Variants in MYOM1 observed in about 807,000 individuals in gnomAD.
The protein encoded by MYOM1 is myomesin-1.
MYOM1 carries 164 observed loss-of-function variants against 205.3 expected under a neutral mutation model. The ratio of observed to expected loss-of-function variants is 0.80; its 90% CI spans 0.70 to 0.91. The LOEUF is 0.91. Among genes scored for constraint, MYOM1 ranks in the 40% least tolerant of loss-of-function variants. The pLI is 0.00. For synonymous variants in MYOM1, 772 were observed against 789.4 expected (o/e 0.98, Z 0.37); for missense variants, 2,011 against 2,127.3 (o/e 0.95, Z 1.08).
rs151077840 is a variant in MYOM1 at position 3,134,146 on chromosome 18, A to G, written c.2384+504T>C. ...GCAATCCGCCCACCTTGGCCTCCCA[A>G]AGTGTTGAGATTACAGGCATGAGCC... On this transcript the variant is annotated intron_variant, in intron 16 of 37. Transcript: ENST00000356443. Among the ~76,000 whole-genome samples the G allele has an allele frequency of 4.6e-3, 699 of 152,086 alleles. 8 individuals carry two copies. The highest frequency in any genetic ancestry group is 0.016 in the African/African-American group (682 of 41,468).
rs1280560984 is a variant in MYOM1, at chr18:3,189,030, A to G, written c.489T>C (p.Ala163=). 21 of 1,613,730 alleles carry G rather than the reference A, an allele frequency of 1.3e-5. No homozygotes were observed. The highest frequency in any genetic ancestry group is 1.7e-5 in the Non-Finnish European group (20 of 1,179,842). The change falls in exon 4 of 38, where the codon GCT becomes GCC. Residue 163 remains alanine (A), a synonymous_variant. Transcript: ENST00000356443. The surrounding 1 kb of genome is among the most constrained non-coding windows in gnomAD (Gnocchi z 4.8). Reference sequence around the variant, plus strand: ...GAAGATTCCTCTGGGCTATATAAGCAGCAGCTTCTTTAATTCTTTCTTCTT... The same window carrying G: ...GAAGATTCCTCTGGGCTATATAAGCGGCAGCTTCTTTAATTCTTTCTTCTT... ...DTEEERIKEA[A]AYIAQRNLLA... is the part of the protein sequence containing the mutation.
chr18:3,191,017 T>C (rs944583792), intron 3 of MYOM1, among the ~76,000 whole-genome samples: 3 of 152,136 alleles, frequency 2.0e-5, no homozygotes, highest in Non-Finnish European at 2.9e-5. Context: ...CAACTACAGT[T>C]AAAAAGTATG....
chr18:3,108,719 T>C (rs1440753886), intron 22 of MYOM1, among the ~76,000 whole-genome samples: 1 of 152,104 alleles, frequency 6.6e-6, no homozygotes, highest in Non-Finnish European at 1.5e-5. Flanking sequence ...TTTTGTATTT[T>C]CAGTAGAAAC....
At chr18:3,155,229 AT>A (rs1016904913) in intron 10 of MYOM1, 141 bp from the exon 11 acceptor site, 5,430 of 809,068 alleles carry the variant, frequency 6.7e-3, no homozygotes, top group South Asian at 0.011. Flanking sequence ...AAATCTTGCT[AT>A]TTTTTTTTTG....
chr18:3,127,305 A>ATATATTTTTTTT (rs56880961), intron 18 of MYOM1, among the ~76,000 whole-genome samples: 2 of 47,580 alleles, frequency 4.2e-5, no homozygotes, highest in African/African-American at 9.2e-5. Context: ...ATATATATAT[A>ATATATTTTTTTT]TTTTTTTTTT....
In MYOM1 at chr18:3,214,989, T is replaced by C; in HGVS notation, c.235A>G (p.Ser79Gly). The change falls in exon 2 of 38, where the codon AGC (serine) becomes GGC (glycine). Residue 79 changes from serine (S) to glycine (G), a missense_variant. By Grantham distance (56) the Ser-to-Gly change is moderately conservative (BLOSUM62 0). Coordinates refer to ENST00000356443, the MANE Select transcript of MYOM1 (RefSeq NM_003803.4). ...GCTGCCTTCCGACTGACTTCAGAGC[T>C]CAGGGCGTGCTGCGAGGCCTGCTGC... ...SQQQASQHAL[S>G]SEVSRKAASA... 1 of 1,611,410 alleles carries C rather than the reference T, an allele frequency of 6.2e-7. No homozygotes were observed. Among genetic ancestry groups the C allele is most frequent in the Non-Finnish European group, 8.5e-7 (1 of 1,178,644 alleles).
chr18:3,113,314 ATATATATATATATATATATATG>A (rs1172803207), intron 21 of MYOM1, among the ~76,000 whole-genome samples: 2,579 of 15,980 alleles, frequency 0.16, 90 homozygotes, highest in African/African-American at 0.22. Context: ...ATATATATAT[ATATATATATATATATATATATG>A]TATGTATTTC....
rs147438375 is a variant in MYOM1, at chr18:3,198,200, T to C, written c.291-4242A>G. Among the ~76,000 whole-genome samples the C allele has an allele frequency of 6.0e-3, 920 of 152,358 alleles. 5 individuals are homozygous for C. Among genetic ancestry groups the C allele is most frequent in the African/African-American group, 0.021 (873 of 41,586 alleles). The stretch of plus-strand genomic sequence containing the variant: ...GGATGAATAAATGTATTCATGCTTA[T>C]GGGAAGTATAGATCTGCTTAATGGC... On this transcript the variant is annotated intron_variant, in intron 2 of 37. Coordinates refer to ENST00000356443, the MANE Select transcript of MYOM1 (RefSeq NM_003803.4).
chr18:3,142,045 GGGCCA>G lies in MYOM1; in HGVS notation c.1914_1918del (p.Gly639ProfsTer8). The G allele has an allele frequency of 6.2e-7, 1 of 1,613,676 alleles. No individual in the cohort carries two copies. Among genetic ancestry groups the G allele is most frequent in the Non-Finnish European group, 8.5e-7 (1 of 1,179,728 alleles). The stretch of plus-strand genomic sequence containing the variant: ...CTCAGTGACAGAGAGGTCTGTCGGG[GGGCCA>G]GGCACAATACCCTCTGAAAAACAAC... On this transcript the variant is annotated frameshift_variant, in exon 14 of 38. Coordinates refer to ENST00000356443, the MANE Select transcript of MYOM1 (RefSeq NM_003803.4). LOFTEE classifies it high-confidence loss of function.
At chr18:3,235,987 T>A in the MYOM1 span, among the ~76,000 whole-genome samples, 1 of 152,090 alleles carries the variant, frequency 6.6e-6, no homozygotes, top group Non-Finnish European at 1.5e-5. Flanking sequence ...CAAGAAACAT[T>A]TAGGATGTCA....
intron 21 of MYOM1, among the ~76,000 whole-genome samples, chr18:3,113,414 G>A (rs1253481973): frequency 6.6e-6 from 1 of 151,858 alleles, no homozygotes; most frequent in African/African-American, 2.4e-5. Flanking sequence ...CTGTAGCCTG[G>A]ACCTCCTGGG....
At chr18:3,081,407 A>G (rs917293609) in intron 33 of MYOM1, among the ~76,000 whole-genome samples, 2 of 152,218 alleles carry the variant, frequency 1.3e-5, no homozygotes, top group African/African-American at 4.8e-5. Flanking sequence ...TATGCCACAT[A>G]CAGACAGCAA....
At chr18:3,075,847 C>T (rs1413392541) in intron 34 of MYOM1, 86 bp from the exon 35 acceptor site, 6 of 1,223,046 alleles carry the variant, frequency 4.9e-6, no homozygotes, top group Non-Finnish European at 7.0e-6. Flanking sequence ...CTGGAGATTG[C>T]TGTGATCGGT....
chr18:3,218,449 G>C (rs1239348319), intron 1 of MYOM1, among the ~76,000 whole-genome samples: 1 of 152,092 alleles, frequency 6.6e-6, no homozygotes, highest in East Asian at 1.9e-4. Flanking sequence ...ATTTATCTTA[G>C]GGTTCATGGA....
At chr18:3,075,391 T>C in intron 36 of MYOM1, 63 bp downstream of exon 36, 1 of 1,501,454 alleles carries the variant, frequency 6.7e-7, no homozygotes, top group Non-Finnish European at 9.2e-7. Flanking sequence ...AATAGCAAAA[T>C]AAAATTATCT....
At chr18:3,082,275 C>T (rs1363439529) in intron 33 of MYOM1, among the ~76,000 whole-genome samples, 1 of 152,128 alleles carries the variant, frequency 6.6e-6, no homozygotes, top group Non-Finnish European at 1.5e-5. Context: ...AGACTTCACA[C>T]GGCTGGAATC....
In MYOM1 at chr18:3,070,581, G is replaced by A. The variant is rs887517000; in HGVS notation, c.4764+1253C>T. Among the ~76,000 whole-genome samples the A allele has an allele frequency of 3.9e-5, 6 of 152,082 alleles. No individual in the cohort carries two copies. In the East Asian group the frequency reaches 1.2e-3, roughly 29 times the overall value. On this transcript the variant is annotated intron_variant, in intron 37 of 37. Transcript: ENST00000356443. ...CTTATTTGGCATCTTATCTTACAGGGGCTCTTCGGAAAATGCACAGTACTT... is the reference window on the plus strand; with the variant it reads ...CTTATTTGGCATCTTATCTTACAGGAGCTCTTCGGAAAATGCACAGTACTT...
At chr18:3,081,754 A>C (rs1469472390) in intron 33 of MYOM1, among the ~76,000 whole-genome samples, 2 of 152,260 alleles carry the variant, frequency 1.3e-5, no homozygotes, top group Admixed American at 6.5e-5. Flanking sequence ...CAAAGGAATA[A>C]GCCCCAAGCA....
At chr18:3,151,448 T>C (rs960497974) in intron 12 of MYOM1, among the ~76,000 whole-genome samples, 8 of 142,238 alleles carry the variant, frequency 5.6e-5, no homozygotes, top group African/African-American at 1.3e-4. Context: ...TAAAATAAAA[T>C]ATAAAATAAT....
Sources: allele counts gnomAD v4.1 joint callset (sites outside exome capture counted in the v4.1 genomes callset), GRCh38; gene constraint gnomAD v4.1.1; non-coding constraint Gnocchi (gnomAD v3.1); transcripts MANE v1.5; gene names NCBI Gene and HGNC (gene_info 2026-07-23, HGNC 2026-07-21).